The following HS6ST3 variants were observed in gnomAD, a reference collection of about 807,000 sequenced individuals.
HS6ST3 encodes the protein heparan sulfate 6-O-sulfotransferase 3.
Under a neutral mutation model 36.7 loss-of-function variants are expected in HS6ST3, and 12 were observed. The ratio of observed to expected loss-of-function variants is 0.33; its 90% confidence interval spans 0.21 to 0.53. The LOEUF (loss-of-function observed/expected upper bound fraction) is 0.53. HS6ST3 is among the 20% of genes least tolerant of loss of function. HS6ST3 has a pLI of 0.95. For missense variants in HS6ST3, 584 were observed against 640.9 expected (o/e 0.91, Z 0.96); for synonymous variants, 240 against 257.5 (o/e 0.93, Z 0.65).
chr13:96,786,732 T>C (rs1315402784), intron 1 of HS6ST3, among the ~76,000 whole-genome samples: 3 of 152,188 alleles, frequency 2.0e-5, no homozygotes, highest in Non-Finnish European at 4.4e-5. Flanking sequence ...TTTAAATTAT[T>C]TTTAAATTTT....
chr13:96,202,869 A>G (rs1336101400), intron 1 of HS6ST3, among the ~76,000 whole-genome samples: 2 of 152,182 alleles, frequency 1.3e-5, no homozygotes, highest in Admixed American at 6.5e-5. Context: ...TGCAGCTCTG[A>G]CTTTTTCAGT....
In HS6ST3 at chr13:96,604,924, A is replaced by C. The variant is rs550050885; in HGVS notation, c.708-227566A>C. On this transcript the variant is annotated intron_variant, in intron 1 of 1. Coordinates refer to ENST00000376705, the MANE Select transcript of HS6ST3 (RefSeq NM_153456.4). ...TAATGTCTGCTGTGCCATTTCCATAAGTAGATTCTCTGAAATAGAATTTGA... is the reference window on the plus strand; with the variant it reads ...TAATGTCTGCTGTGCCATTTCCATACGTAGATTCTCTGAAATAGAATTTGA... Among the ~76,000 whole-genome samples the C allele has an allele frequency of 7.2e-5, 11 of 152,264 alleles. No individual in the cohort carries two copies. The South Asian group carries it at 2.3e-3, about 32-fold the overall frequency.
chr13:96,273,534 A>T (rs910360622), intron 1 of HS6ST3, among the ~76,000 whole-genome samples: 2 of 151,940 alleles, frequency 1.3e-5, no homozygotes, highest in Non-Finnish European at 2.9e-5. Flanking sequence ...GTAAACAGGG[A>T]TGTGTAGTCA....
At chr13:96,399,108 A>G (rs769032298) in intron 1 of HS6ST3, among the ~76,000 whole-genome samples, 10 of 152,244 alleles carry the variant, frequency 6.6e-5, no homozygotes, top group African/African-American at 2.4e-4. Flanking sequence ...GTAATTAGCT[A>G]TGCAGCAATA....
chr13:96,301,801 T>G (rs1290895733), intron 1 of HS6ST3, among the ~76,000 whole-genome samples: 1 of 151,104 alleles, frequency 6.6e-6, no homozygotes, highest in Non-Finnish European at 1.5e-5. Context: ...TCCCAGCTAC[T>G]CGGCAGGGAG....
At chr13:96,627,548 T>A (rs1566414985) in intron 1 of HS6ST3, among the ~76,000 whole-genome samples, 1 of 152,028 alleles carries the variant, frequency 6.6e-6, no homozygotes, top group Non-Finnish European at 1.5e-5. Flanking sequence ...CATAAACATG[T>A]TACAGTATGT....
chr13:96,264,033 T>G (rs886338943), intron 1 of HS6ST3, among the ~76,000 whole-genome samples: 2 of 152,168 alleles, frequency 1.3e-5, no homozygotes, highest in Non-Finnish European at 2.9e-5. Context: ...GGGTGAGGGA[T>G]TCACCTCTAT....
At chr13:96,203,018 TACTC>T (rs1250571781) in intron 1 of HS6ST3, among the ~76,000 whole-genome samples, 1 of 152,152 alleles carries the variant, frequency 6.6e-6, no homozygotes, top group Non-Finnish European at 1.5e-5. Context: ...CTCACTCATT[TACTC>T]ACTCCCTCAC....
intron 1 of HS6ST3, among the ~76,000 whole-genome samples, chr13:96,209,453 C>A (rs985772693): frequency 6.6e-6 from 1 of 152,148 alleles, no homozygotes; most frequent in South Asian, 2.1e-4. Flanking sequence ...TATTGTTGGC[C>A]TCTAGACTTT....
chr13:96,449,910 GGT>G (rs2055718882), intron 1 of HS6ST3, among the ~76,000 whole-genome samples: 1 of 152,058 alleles, frequency 6.6e-6, no homozygotes, highest in Non-Finnish European at 1.5e-5. Context: ...TGAGATGAGA[GGT>G]GGTGTGCATT....
chr13:96,206,426 A>C (rs1250437359), intron 1 of HS6ST3, among the ~76,000 whole-genome samples: 1 of 152,240 alleles, frequency 6.6e-6, no homozygotes, highest in African/African-American at 2.4e-5. Context: ...TTAAACTACC[A>C]TTGACATTCT....
chr13:96,621,631 C>T (rs890009121), intron 1 of HS6ST3, among the ~76,000 whole-genome samples: 2 of 152,172 alleles, frequency 1.3e-5, no homozygotes, highest in African/African-American at 4.8e-5. Context: ...CCAACCCAAA[C>T]GCTCCGGATT....
At chr13:96,250,871 A>T (rs945310747) in intron 1 of HS6ST3, among the ~76,000 whole-genome samples, 3 of 152,160 alleles carry the variant, frequency 2.0e-5, no homozygotes, top group Admixed American at 2.0e-4. Context: ...TCATTCCATT[A>T]TTGTGGTGGA....
Position 96,144,582 on chromosome 13 carries a change from A to T in HS6ST3, c.707+53013A>T, listed in dbSNP as rs548956619. On this transcript the variant is annotated intron_variant, in intron 1 of 1. Coordinates refer to ENST00000376705, the MANE Select transcript of HS6ST3 (RefSeq NM_153456.4). The stretch of plus-strand genomic sequence containing the variant: ...AAAAATACCTCATCTTATGCAGTTT[A>T]TGGACTAGATGTGATCTTGAAGTTG... Among the ~76,000 whole-genome samples, 49 of 152,116 alleles carry T rather than the reference A, an allele frequency of 3.2e-4. No individual in the cohort carries two copies. The South Asian group carries it at 4.6e-3, about 14-fold the overall frequency.
At chr13:96,798,701 A>G (rs1198575728) in intron 1 of HS6ST3, among the ~76,000 whole-genome samples, 1 of 152,086 alleles carries the variant, frequency 6.6e-6, no homozygotes, top group Non-Finnish European at 1.5e-5. Context: ...GGTAAGGATA[A>G]AAGATTATAT....
intron 1 of HS6ST3, among the ~76,000 whole-genome samples, chr13:96,146,445 G>T (rs1281716723): frequency 6.6e-6 from 1 of 152,124 alleles, no homozygotes; most frequent in South Asian, 2.1e-4. Flanking sequence ...CTCATGATTT[G>T]GCTCTCCGTT....
chr13:96,679,939 G>C (rs553231021), intron 1 of HS6ST3, among the ~76,000 whole-genome samples: 34 of 152,206 alleles, frequency 2.2e-4, no homozygotes, highest in African/African-American at 8.2e-4. Flanking sequence ...GGGATACCAA[G>C]ACCACAAAGA....
At chr13:96,100,008 A>G (rs1274896224) in intron 1 of HS6ST3, among the ~76,000 whole-genome samples, 3 of 152,214 alleles carry the variant, frequency 2.0e-5, no homozygotes, top group African/African-American at 4.8e-5. Context: ...ACAAGGTGAC[A>G]TGCCAAGAAA....
At chr13:96,650,732 A>ACAATGGC (rs1307365813) in intron 1 of HS6ST3, among the ~76,000 whole-genome samples, 2 of 152,076 alleles carry the variant, frequency 1.3e-5, no homozygotes, top group African/African-American at 4.8e-5. Context: ...TGAAGTTCAC[A>ACAATGGC]CAATGGCCAC....
Sources: allele counts gnomAD v4.1 joint callset (sites outside exome capture counted in the v4.1 genomes callset), GRCh38; gene constraint gnomAD v4.1.1; transcripts MANE v1.5; gene names NCBI Gene and HGNC (gene_info 2026-07-23, HGNC 2026-07-21).